GARNL3: variants seen among roughly 807,000 people sequenced by gnomAD.
GARNL3 encodes the protein GTPase-activating Rap/Ran-GAP domain-like protein 3.
GARNL3 carries 63 observed loss-of-function variants against 125.0 expected under a neutral mutation model. The ratio of observed to expected loss-of-function variants is 0.50; its 90% CI spans 0.41 to 0.62. The LOEUF is 0.62. Ranked by LOEUF, GARNL3 falls within the 20% of genes least tolerant of loss-of-function variation. GARNL3 has a pLI of 0.00. For missense variants in GARNL3, 994 were observed against 1,244.0 expected (o/e 0.80, Z 3.02); for synonymous variants, 439 against 457.5 (o/e 0.96, Z 0.52).
intron 22 of GARNL3, among the ~76,000 whole-genome samples, chr9:127,382,971 G>A (rs1269956352): frequency 3.3e-5 from 5 of 152,288 alleles, no homozygotes; most frequent in Admixed American, 2.0e-4. Flanking sequence ...CTTCTTGACC[G>A]TTCACAAGTG....
At chr9:127,365,966 C>CAA in intron 22 of GARNL3, among the ~76,000 whole-genome samples, 1 of 152,124 alleles carries the variant, frequency 6.6e-6, no homozygotes, top group Non-Finnish European at 1.5e-5. Flanking sequence ...AGGTGTTGGG[C>CAA]AGACCAAAGG....
At position 127,282,051 on chromosome 9, in the gene GARNL3, C is replaced by G. The variant is rs975731125; in HGVS notation, c.145-9117C>G. On this transcript the variant is annotated intron_variant, in intron 1 of 27. Coordinates refer to ENST00000373387, the MANE Select transcript of GARNL3 (RefSeq NM_032293.5). ...GTCTCTCCAGTGTCTGTCCCCTGTT[C>G]TTTTGTCTGTTGTTATGGCATTTAA... Among the ~76,000 whole-genome samples, 5 of 152,160 alleles carry G rather than the reference C, an allele frequency of 3.3e-5. No homozygotes were observed. The East Asian group carries it at 7.7e-4, about 23-fold the overall frequency.
At chr9:127,296,330 G>T (rs963249334) in intron 2 of GARNL3, among the ~76,000 whole-genome samples, 1 of 152,064 alleles carries the variant, frequency 6.6e-6, no homozygotes, top group Non-Finnish European at 1.5e-5. Flanking sequence ...AGGTATGGGG[G>T]TGGTGGCATG....
chr9:127,323,830 A>C (rs1484078362), intron 6 of GARNL3, among the ~76,000 whole-genome samples: 1 of 152,208 alleles, frequency 6.6e-6, no homozygotes, highest in Non-Finnish European at 1.5e-5. Flanking sequence ...AAAAACCACA[A>C]GGTGTTGAGG....
intron 20 of GARNL3, among the ~76,000 whole-genome samples, chr9:127,356,229 C>A (rs575138919): frequency 2.0e-5 from 3 of 152,102 alleles, no homozygotes; most frequent in East Asian, 3.8e-4. Context: ...AATAAGAAGG[C>A]CTGCCACGAG....
At chr9:127,254,283 T>C (rs2063457221) in intron 2 of GARNL3, among the ~76,000 whole-genome samples, 3 of 152,166 alleles carry the variant, frequency 2.0e-5, no homozygotes, top group African/African-American at 7.2e-5. Flanking sequence ...AGAGACTCTT[T>C]AGGAAATCAT....
intron 17 of GARNL3, among the ~76,000 whole-genome samples, chr9:127,349,412 TAAAAAA>T (rs879771012): frequency 6.9e-6 from 1 of 144,760 alleles, no homozygotes; most frequent in Non-Finnish European, 1.5e-5. Flanking sequence ...CTCGAAGTCT[TAAAAAA>T]AAAAAAAAGA....
intron 22 of GARNL3, among the ~76,000 whole-genome samples, chr9:127,379,025 G>A (rs1264512581): frequency 3.3e-5 from 5 of 152,126 alleles, no homozygotes; most frequent in East Asian, 1.9e-4. Context: ...TGATCTGCCC[G>A]CCTTGGCCTC....
Position 127,340,701 on chromosome 9 carries a change from G to C in GARNL3, c.1135+950G>C, listed in dbSNP as rs1829816960. ...CTGGCCTCAAGGAAGCATTGACTGA[G>C]CCCAAAGCCTCACTGAGTCCTACGT... On this transcript the variant is annotated intron_variant, in intron 13 of 27. Transcript: ENST00000373387. Among the ~76,000 whole-genome samples the C allele has an allele frequency of 2.0e-5, 3 of 151,222 alleles. No homozygotes were observed. The South Asian group carries it at 6.3e-4, about 32-fold the overall frequency.
At chr9:127,389,347 T>C (rs1429701602) in intron 26 of GARNL3, among the ~76,000 whole-genome samples, 1 of 152,204 alleles carries the variant, frequency 6.6e-6, no homozygotes, top group East Asian at 1.9e-4. Flanking sequence ...GCTCAAGCCA[T>C]GTGAAGGGGG....
chr9:127,264,591 C>T, upstream of GARNL3: 2 of 1,076,838 alleles, frequency 1.9e-6, no homozygotes, highest in Non-Finnish European at 2.2e-6. Context: ...CAGCTTTGTC[C>T]CTTGCCTCAA....
Position 127,290,820 on chromosome 9 carries a change from T to C in GARNL3, c.145-348T>C, listed in dbSNP as rs78724222. Among the ~76,000 whole-genome samples, 539 of 152,368 alleles carry C rather than the reference T, an allele frequency of 3.5e-3. 5 individuals are homozygous for C. The highest frequency in any genetic ancestry group is 0.012 in the African/African-American group (482 of 41,592). On this transcript the variant is annotated intron_variant, in intron 1 of 27. Transcript: ENST00000373387. ...GCTTTCCTGTGAAGGAGGCTGAACT[T>C]GAGAGTTGGCTTTTGGTCTTGCCAT...
At chr9:127,265,196 A>G (rs1020412354) in intron 1 of GARNL3, among the ~76,000 whole-genome samples, 175 bp downstream of exon 1, 2 of 152,166 alleles carry the variant, frequency 1.3e-5, no homozygotes, top group Admixed American at 6.5e-5. Context: ...TTCTTTATCT[A>G]TTTGTTTTTA....
chr9:127,270,411 A>C (rs1413871126), intron 1 of GARNL3, among the ~76,000 whole-genome samples: 1 of 152,220 alleles, frequency 6.6e-6, no homozygotes, highest in Non-Finnish European at 1.5e-5. Context: ...ACAAGAACCT[A>C]TGTGATCCTT....
At position 127,325,281 on chromosome 9, in the gene GARNL3, G is replaced by A. The variant is rs538515800; in HGVS notation, c.594+186G>A. ...TAAGGTATATTTTAGAATTTTCTAT[G>A]CATCTAGCTATAAAGCTATGAAAAC... On this transcript the variant is annotated intron_variant, in intron 7 of 27. Coordinates refer to ENST00000373387, the MANE Select transcript of GARNL3 (RefSeq NM_032293.5). Among the ~76,000 whole-genome samples the A allele has an allele frequency of 4.6e-5, 7 of 152,254 alleles. No homozygotes were observed. In the South Asian group the frequency reaches 1.0e-3, roughly 23 times the overall value.
intron 17 of GARNL3, among the ~76,000 whole-genome samples, chr9:127,352,950 C>T (rs553692534): frequency 1.2e-4 from 19 of 152,306 alleles, no homozygotes; most frequent in African/African-American, 3.6e-4. Flanking sequence ...TCCACCATCC[C>T]GGACACCTCT....
rs2063713244 is a variant in GARNL3 at position 127,266,678 on chromosome 9, T to C, written c.144+1657T>C. 1.3e-5 allele frequency among the ~76,000 whole-genome samples: 2 copies of C among 152,236 alleles called. No homozygotes were observed. The highest frequency in any genetic ancestry group is 3.8e-4 in the East Asian group (2 of 5,208). ...TTGTTATGAGGATTAAATGAGATCA[T>C]GTACATAAAGTACTTAGCACATAAG... On this transcript the variant is annotated intron_variant, in intron 1 of 27. Coordinates refer to ENST00000373387, the MANE Select transcript of GARNL3 (RefSeq NM_032293.5). The surrounding 1 kb of genome is among the most constrained non-coding windows in gnomAD (Gnocchi z 4.0).
At chr9:127,256,467 G>A (rs1022704971) in intron 2 of GARNL3, among the ~76,000 whole-genome samples, 2 of 152,154 alleles carry the variant, frequency 1.3e-5, no homozygotes, top group Non-Finnish European at 2.9e-5. Flanking sequence ...TACATATTGT[G>A]CTTTGCTTGC....
chr9:127,338,076 G>C, intron 11 of GARNL3, 40 bp from the exon 12 acceptor site: 1 of 1,471,804 alleles, frequency 6.8e-7, no homozygotes, highest in Non-Finnish European at 9.5e-7. Flanking sequence ...TCAGTCGTGA[G>C]CATCAGTGTT....
Sources: allele counts gnomAD v4.1 joint callset (sites outside exome capture counted in the v4.1 genomes callset), GRCh38; gene constraint gnomAD v4.1.1; non-coding constraint Gnocchi (gnomAD v3.1); transcripts MANE v1.5; gene names NCBI Gene and HGNC (gene_info 2026-07-23, HGNC 2026-07-21).